Variants in FOXP2 observed in about 807,000 individuals in gnomAD.
FOXP2 encodes forkhead box protein P2.
Under a neutral mutation model 115.8 loss-of-function variants are expected in FOXP2, and 12 were observed. The observed-to-expected ratio is 0.10, with a 90% confidence interval of 0.07 to 0.17. The LOEUF (loss-of-function observed/expected upper bound fraction) is 0.17, where lower values mean the gene tolerates loss of function less well. Among genes scored for constraint, FOXP2 ranks in the 10% least tolerant of loss-of-function variants. The pLI is 1.00. For missense variants in FOXP2, 629 were observed against 843.5 expected (o/e 0.75, Z 3.15); for synonymous variants, 328 against 297.7 (o/e 1.10, Z -1.05).
chr7:114,370,856 G>A (rs560595528), intron 2 of FOXP2, among the ~76,000 whole-genome samples: 1 of 152,102 alleles, frequency 6.6e-6, no homozygotes, highest in Non-Finnish European at 1.5e-5. Flanking sequence ...CTCAGTCAAA[G>A]AAATAATATA....
intron 3 of FOXP2, among the ~76,000 whole-genome samples, chr7:114,559,573 C>A (rs915601017): frequency 6.6e-6 from 1 of 152,170 alleles, no homozygotes; most frequent in African/African-American, 2.4e-5. Flanking sequence ...CTTGTTAATT[C>A]CTTTTTAATC....
intron 2 of FOXP2, among the ~76,000 whole-genome samples, chr7:114,396,669 GGGTGGTGGT>G (rs142670125): frequency 8.8e-4 from 133 of 151,620 alleles, no homozygotes; most frequent in Middle Eastern, 3.4e-3. Context: ...GGGGTTGAGA[GGGTGGTGGT>G]GGTGGTGGTG....
intron 2 of FOXP2, among the ~76,000 whole-genome samples, chr7:114,484,701 A>T (rs373812822): frequency 9.6e-4 from 146 of 152,036 alleles, no homozygotes; most frequent in African/African-American, 3.4e-3. Context: ...ATTGCACCTG[A>T]CTAACCCTTA....
intron 1 of FOXP2, among the ~76,000 whole-genome samples, chr7:114,416,622 T>C (rs552844656): frequency 6.6e-5 from 10 of 152,190 alleles, no homozygotes; most frequent in African/African-American, 2.4e-4. Flanking sequence ...TATTTTCGAT[T>C]GTTCCTTATC....
intron 1 of FOXP2, among the ~76,000 whole-genome samples, chr7:114,256,330 C>A (rs1036585297): frequency 1.3e-5 from 2 of 152,176 alleles, no homozygotes; most frequent in Admixed American, 1.3e-4. Context: ...TGGTCTCAAA[C>A]TCCCAACCTC....
At chr7:114,409,018 CA>C (rs1294373958) in intron 2 of FOXP2, among the ~76,000 whole-genome samples, 1 of 151,944 alleles carries the variant, frequency 6.6e-6, no homozygotes, top group African/African-American at 2.4e-5. Context: ...AAAGGTTAAG[CA>C]TTTTATTTTG....
intron 3 of FOXP2, among the ~76,000 whole-genome samples, chr7:114,543,343 G>T (rs533900916): frequency 3.4e-4 from 51 of 152,018 alleles, no homozygotes; most frequent in Non-Finnish European, 7.1e-4. Flanking sequence ...TTCACAATGT[G>T]TATACCCATA....
chr7:114,692,591 T>C lies in FOXP2; in HGVS notation c.*2665T>C, dbSNP rs988780943. The C allele has an allele frequency of 8.9e-6, 4 of 451,654 alleles. No homozygotes were observed. Among genetic ancestry groups the C allele is most frequent in the African/African-American group, 6.0e-5 (3 of 49,862 alleles). 28.0% of individuals were successfully genotyped at this position (451,654 alleles called of 1,614,324 possible). ...ATCATTGCTTGCTAGTAATAGCAAA[T>C]CTGCTTTTCTGCATCTGCTTTGCGT... On this transcript the variant is annotated 3_prime_UTR_variant, in exon 17 of 17. Coordinates refer to ENST00000350908, the MANE Select transcript of FOXP2 (RefSeq NM_014491.4).
chr7:114,107,754 G>A (rs1182691695), intron 1 of FOXP2, among the ~76,000 whole-genome samples: 2 of 151,912 alleles, frequency 1.3e-5, no homozygotes, highest in African/African-American at 4.8e-5. Flanking sequence ...GCAGTATTGT[G>A]TCATGGGAAG....
intron 1 of FOXP2, among the ~76,000 whole-genome samples, chr7:114,195,145 G>A (rs1395866003): frequency 6.6e-6 from 1 of 152,080 alleles, no homozygotes; most frequent in African/African-American, 2.4e-5. Flanking sequence ...TTTACAGAGG[G>A]AGAGGAGCCG....
chr7:114,575,530 CA>C (rs929398088), intron 3 of FOXP2, among the ~76,000 whole-genome samples: 4 of 151,764 alleles, frequency 2.6e-5, no homozygotes, highest in Non-Finnish European at 5.9e-5. Context: ...TTCACTCACA[CA>C]AAAAATAGTG....
intron 1 of FOXP2, among the ~76,000 whole-genome samples, chr7:114,094,981 A>C (rs923875): frequency 0.47 from 71,948 of 152,010 alleles, 17,832 homozygotes; most frequent in African/African-American, 0.61. Context: ...AATCTCAGTG[A>C]ACTCTCCTTT....
exon 2 of FOXP2, chr7:114,288,098 T>C (rs907111339): frequency 3.1e-5 from 14 of 453,168 alleles, no homozygotes; most frequent in Admixed American, 9.4e-5. Context: ...GTGGAAGATC[T>C]GGAAGAAACA....
intron 1 of FOXP2, among the ~76,000 whole-genome samples, chr7:114,178,166 C>T: frequency 6.6e-6 from 1 of 151,810 alleles, no homozygotes. Context: ...CTTTGCAGCT[C>T]CTGGCATAAA....
upstream of FOXP2, among the ~76,000 whole-genome samples, chr7:114,159,992 CT>C (rs1792787742): frequency 6.6e-6 from 1 of 152,146 alleles, no homozygotes; most frequent in Admixed American, 6.6e-5. Flanking sequence ...CCAGCAAGGC[CT>C]GTCTGTCTAG....
chr7:114,360,758 A>G (rs189515376), intron 2 of FOXP2, among the ~76,000 whole-genome samples: 372 of 152,330 alleles, frequency 2.4e-3, no homozygotes, highest in Middle Eastern at 6.8e-3. Flanking sequence ...TATACAGTCT[A>G]TAAGATAAGT....
At chr7:114,527,219 G>A (rs926051001) in intron 2 of FOXP2, among the ~76,000 whole-genome samples, 1 of 152,074 alleles carries the variant, frequency 6.6e-6, no homozygotes, top group African/African-American at 2.4e-5. Flanking sequence ...GGGAATTTGG[G>A]TTGTTTACAT....
At chr7:114,567,856 T>A (rs748408963) in intron 3 of FOXP2, among the ~76,000 whole-genome samples, 1 of 152,032 alleles carries the variant, frequency 6.6e-6, no homozygotes, top group Non-Finnish European at 1.5e-5. Flanking sequence ...GAGAAGAAAC[T>A]GGGTGGGGTT....
chr7:114,357,402 G>T (rs1041269675), intron 2 of FOXP2, among the ~76,000 whole-genome samples: 12 of 152,248 alleles, frequency 7.9e-5, no homozygotes, highest in African/African-American at 2.2e-4. Context: ...ATTATGCTGG[G>T]CTTCAAGGTT....
Sources: gnomAD v4.1 joint callset for allele counts (sites outside exome capture counted in the v4.1 genomes callset) on GRCh38, gnomAD v4.1.1 for gene constraint, MANE v1.5 for transcripts, NCBI Gene and HGNC (gene_info 2026-07-23, HGNC 2026-07-21) for gene names.